The following CADM2 variants were observed in gnomAD, a reference collection of about 807,000 sequenced individuals.
The protein encoded by CADM2 is cell adhesion molecule 2, also known as immunoglobulin superfamily member 4D.
In CADM2, 12 loss-of-function variants were observed where a neutral mutation model predicts 49.8. That is an observed-to-expected ratio of 0.24 (90% CI 0.15 to 0.39). CADM2 has a LOEUF of 0.39. Ranked by LOEUF, CADM2 falls within the 10% of genes least tolerant of loss-of-function variation. The pLI is 1.00. For missense variants in CADM2, 378 were observed against 492.3 expected (o/e 0.77, Z 2.20); for synonymous variants, 214 against 175.4 (o/e 1.22, Z -1.74).
chr3:85,670,120 A>G (rs567783557), intron 1 of CADM2, among the ~76,000 whole-genome samples: 138 of 152,296 alleles, frequency 9.1e-4, no homozygotes, highest in Admixed American at 2.6e-3. Flanking sequence ...ATTTTACATT[A>G]CAAATACTTG....
At chr3:85,258,488 C>CA (rs1252902703) in intron 1 of CADM2, among the ~76,000 whole-genome samples, 2 of 147,034 alleles carry the variant, frequency 1.4e-5, no homozygotes, top group Non-Finnish European at 3.0e-5. Context: ...ACAATACTCA[C>CA]AAAAAGAGGA....
intron 1 of CADM2, among the ~76,000 whole-genome samples, chr3:85,498,427 G>A (rs2039990715): frequency 6.6e-6 from 1 of 151,918 alleles, no homozygotes; most frequent in South Asian, 2.1e-4. Flanking sequence ...TTTGTATATC[G>A]GTCACTCTGG....
intron 1 of CADM2, among the ~76,000 whole-genome samples, chr3:85,711,387 C>G (rs2067112865): frequency 6.6e-6 from 1 of 152,106 alleles, no homozygotes; most frequent in African/African-American, 2.4e-5. Flanking sequence ...TGTCTGACTT[C>G]AGAGCTTCTT....
At chr3:85,789,708 T>C (rs1232719296) in intron 2 of CADM2, among the ~76,000 whole-genome samples, 1 of 152,180 alleles carries the variant, frequency 6.6e-6, no homozygotes, top group Non-Finnish European at 1.5e-5. Flanking sequence ...TGGAGTGAAT[T>C]AAATATGGAT....
intron 3 of CADM2, among the ~76,000 whole-genome samples, chr3:85,847,832 A>G (rs990924855): frequency 1.3e-5 from 2 of 152,162 alleles, no homozygotes; most frequent in Admixed American, 6.5e-5. Flanking sequence ...TAGATTATCA[A>G]TTATTTGCTA....
intron 1 of CADM2, among the ~76,000 whole-genome samples, chr3:85,339,684 A>G (rs942134099): frequency 7.9e-5 from 12 of 151,466 alleles, no homozygotes; most frequent in Admixed American, 7.9e-4. Context: ...TCTGTAGGCC[A>G]TGCTAACTGC....
At chr3:85,725,731 C>T (rs1456670005) in intron 1 of CADM2, among the ~76,000 whole-genome samples, 1 of 151,932 alleles carries the variant, frequency 6.6e-6, no homozygotes. Flanking sequence ...GGAAATAATG[C>T]CATTTAAAGT....
chr3:85,646,231 G>A (rs981970868), intron 1 of CADM2, among the ~76,000 whole-genome samples: 10 of 151,834 alleles, frequency 6.6e-5, no homozygotes, highest in Admixed American at 1.3e-4. Flanking sequence ...AGATGATTGG[G>A]TGCTTAGCTT....
intron 5 of CADM2, 47 bp downstream of exon 5, chr3:85,886,374 T>A (rs371684775): frequency 4.3e-5 from 60 of 1,406,818 alleles, no homozygotes; most frequent in Non-Finnish European, 5.7e-5. Context: ...CTGAAACCAG[T>A]ATGACATGTT....
intron 8 of CADM2, among the ~76,000 whole-genome samples, chr3:85,998,438 T>C (rs1729707397): frequency 6.6e-6 from 1 of 152,056 alleles, no homozygotes; most frequent in African/African-American, 2.4e-5. Context: ...CAAAGAGGAA[T>C]TGGATATGCA....
chr3:85,872,118 T>C (rs184912322), intron 3 of CADM2, among the ~76,000 whole-genome samples: 53 of 152,338 alleles, frequency 3.5e-4, no homozygotes, highest in Admixed American at 3.5e-3. Flanking sequence ...GGGCTGCCTA[T>C]GTGACCAAGG....
chr3:85,384,398 A>G (rs974426174), intron 1 of CADM2, among the ~76,000 whole-genome samples: 3 of 151,526 alleles, frequency 2.0e-5, no homozygotes, highest in African/African-American at 7.3e-5. Flanking sequence ...TGCAACCTCC[A>G]CCTGCGGGGT....
chr3:85,249,909 C>T (rs576292057), intron 1 of CADM2, among the ~76,000 whole-genome samples: 1 of 151,790 alleles, frequency 6.6e-6, no homozygotes, highest in South Asian at 2.1e-4. Context: ...TAACTTGAAA[C>T]GGCCTCTATG....
intron 1 of CADM2, among the ~76,000 whole-genome samples, chr3:85,144,268 C>CAT (rs1270928129): frequency 1.3e-5 from 2 of 151,554 alleles, no homozygotes; most frequent in African/African-American, 2.4e-5. Context: ...CACACACACA[C>CAT]ACATGTGCAC....
At chr3:86,045,580 C>G (rs527372189) in intron 8 of CADM2, among the ~76,000 whole-genome samples, 1 of 152,272 alleles carries the variant, frequency 6.6e-6, no homozygotes, top group South Asian at 2.1e-4. Flanking sequence ...CCCATTGTTT[C>G]AGCAGAACTT....
intron 1 of CADM2, among the ~76,000 whole-genome samples, chr3:85,147,275 C>CAAAAAAAAAAAAAAAAAAAAAAA (rs759888985): frequency 6.5e-5 from 3 of 45,962 alleles, no homozygotes; most frequent in African/African-American, 1.5e-4. Flanking sequence ...GACTCTGTCT[C>CAAAAAAAAAAAAAAAAAAAAAAA]AAAAAAAAAA....
At chr3:84,999,171 A>G (rs966334289) in intron 1 of CADM2, among the ~76,000 whole-genome samples, 1 of 152,132 alleles carries the variant, frequency 6.6e-6, no homozygotes, top group Non-Finnish European at 1.5e-5. Flanking sequence ...AGCTTTATGT[A>G]GGGAATATAG....
At chr3:85,128,958 G>A (rs1284352995) in intron 1 of CADM2, among the ~76,000 whole-genome samples, 1 of 152,146 alleles carries the variant, frequency 6.6e-6, no homozygotes, top group Non-Finnish European at 1.5e-5. Flanking sequence ...GTTAAAAATA[G>A]ATATACCTAC....
intron 1 of CADM2, among the ~76,000 whole-genome samples, chr3:85,363,934 C>G (rs1317714726): frequency 6.6e-6 from 1 of 152,162 alleles, no homozygotes; most frequent in Non-Finnish European, 1.5e-5. Context: ...TTTATGTAGA[C>G]AGTAGAAGCA....
Sources: allele counts gnomAD v4.1 joint callset (sites outside exome capture counted in the v4.1 genomes callset), GRCh38; gene constraint gnomAD v4.1.1; transcripts MANE v1.5; gene names NCBI Gene and HGNC (gene_info 2026-07-23, HGNC 2026-07-21).